EPHA3: variants seen among roughly 807,000 people sequenced by gnomAD.
The protein encoded by EPHA3 is EPH receptor A3.
Under a neutral mutation model 107.1 loss-of-function variants are expected in EPHA3, and 42 were observed. That is an observed-to-expected ratio of 0.39 (90% CI 0.31 to 0.51). EPHA3 has a LOEUF of 0.51. Among genes scored for constraint, EPHA3 ranks in the 20% least tolerant of loss-of-function variants. The pLI is 0.78. For missense variants in EPHA3, 1,183 were observed against 1,211.2 expected (o/e 0.98, Z 0.35); for synonymous variants, 461 against 424.8 (o/e 1.09, Z -1.05).
chr3:89,133,972 C>T (rs1172609258), intron 2 of EPHA3, among the ~76,000 whole-genome samples: 1 of 151,756 alleles, frequency 6.6e-6, no homozygotes, highest in Admixed American at 6.6e-5. Flanking sequence ...ACAATCTGAT[C>T]GAGAAATGGT....
intron 13 of EPHA3, among the ~76,000 whole-genome samples, chr3:89,443,118 A>G (rs1254369846): frequency 1.3e-5 from 2 of 152,174 alleles, no homozygotes; most frequent in African/African-American, 4.8e-5. Context: ...ACTTAGCCTC[A>G]TTCTACAAAG....
chr3:89,228,095 A>G (rs1260193799), intron 3 of EPHA3, among the ~76,000 whole-genome samples: 1 of 151,932 alleles, frequency 6.6e-6, no homozygotes, highest in Non-Finnish European at 1.5e-5. Context: ...TGACTTTGGT[A>G]TCCTTAGTTA....
At chr3:89,150,372 AC>A (rs1198453855) in intron 2 of EPHA3, among the ~76,000 whole-genome samples, 1 of 152,040 alleles carries the variant, frequency 6.6e-6, no homozygotes, top group African/African-American at 2.4e-5. Context: ...GATATATGTA[AC>A]TTTTATTTAT....
At chr3:89,316,291 T>C (rs1178311937) in intron 3 of EPHA3, among the ~76,000 whole-genome samples, 2 of 151,372 alleles carry the variant, frequency 1.3e-5, no homozygotes, top group Non-Finnish European at 3.0e-5. Context: ...TTGCCAGCTT[T>C]ATCACCATGA....
intron 7 of EPHA3, among the ~76,000 whole-genome samples, chr3:89,404,344 TGTAA>T (rs748536303): frequency 3.9e-5 from 6 of 152,206 alleles, no homozygotes; most frequent in African/African-American, 9.6e-5. Flanking sequence ...TTGGCACTAC[TGTAA>T]GTGTTTTACT....
chr3:89,442,140 A>G (rs1709797829), intron 13 of EPHA3, among the ~76,000 whole-genome samples: 1 of 152,174 alleles, frequency 6.6e-6, no homozygotes, highest in Non-Finnish European at 1.5e-5. Context: ...TTATCCTAAA[A>G]AAGAAAAAGA....
intron 3 of EPHA3, among the ~76,000 whole-genome samples, chr3:89,219,738 T>C (rs1704320832): frequency 9.7e-6 from 1 of 103,424 alleles, no homozygotes; most frequent in South Asian, 3.8e-4. Flanking sequence ...AGACGGAGTC[T>C]CGCTCTGTCG....
chr3:89,273,810 C>T (rs1056256623), intron 3 of EPHA3, among the ~76,000 whole-genome samples: 2 of 151,840 alleles, frequency 1.3e-5, no homozygotes, highest in African/African-American at 2.4e-5. Flanking sequence ...GCAACTACTG[C>T]CAGAAAGGAT....
chr3:89,421,860 C>T (rs1279527948), intron 11 of EPHA3, among the ~76,000 whole-genome samples: 3 of 151,036 alleles, frequency 2.0e-5, no homozygotes, highest in Admixed American at 6.6e-5. Context: ...GAAAAATGCA[C>T]TAAAATGACT....
intron 3 of EPHA3, among the ~76,000 whole-genome samples, chr3:89,260,947 G>A (rs1210289366): frequency 6.6e-6 from 1 of 152,090 alleles, no homozygotes; most frequent in Non-Finnish European, 1.5e-5. Flanking sequence ...TCAATACATA[G>A]CAGCTGCTAA....
At chr3:89,215,948 A>C (rs2107194448) in intron 3 of EPHA3, among the ~76,000 whole-genome samples, 1 of 152,052 alleles carries the variant, frequency 6.6e-6, no homozygotes, top group African/African-American at 2.4e-5. Context: ...GGCATTCCTT[A>C]TCAAATGGCT....
chr3:89,261,504 C>T (rs1705416469), intron 3 of EPHA3, among the ~76,000 whole-genome samples: 1 of 152,102 alleles, frequency 6.6e-6, no homozygotes, highest in South Asian at 2.1e-4. Context: ...TGCATTGTCT[C>T]TTTTCCAATG....
chr3:89,376,859 G>A (rs1487951618), intron 5 of EPHA3, among the ~76,000 whole-genome samples: 1 of 151,980 alleles, frequency 6.6e-6, no homozygotes, highest in Non-Finnish European at 1.5e-5. Context: ...TTCGAAAAGT[G>A]GCTTTGAACA....
intron 2 of EPHA3, among the ~76,000 whole-genome samples, chr3:89,139,246 G>A (rs1366887887): frequency 6.6e-6 from 1 of 151,750 alleles, no homozygotes; most frequent in Non-Finnish European, 1.5e-5. Flanking sequence ...TCTATACTTG[G>A]ATACTATTCC....
intron 3 of EPHA3, among the ~76,000 whole-genome samples, chr3:89,225,633 C>T (rs1262727376): frequency 3.3e-5 from 5 of 152,168 alleles, no homozygotes; most frequent in Non-Finnish European, 5.9e-5. Flanking sequence ...AATACATCCC[C>T]TAGGTATGCC....
At chr3:89,305,060 G>T (rs529141928) in intron 3 of EPHA3, among the ~76,000 whole-genome samples, 2 of 152,184 alleles carry the variant, frequency 1.3e-5, no homozygotes, top group South Asian at 2.1e-4. Context: ...GACTGTGTTG[G>T]CATAGCAATT....
intron 5 of EPHA3, among the ~76,000 whole-genome samples, chr3:89,350,929 G>A (rs937948483): frequency 3.3e-5 from 5 of 151,376 alleles, no homozygotes; most frequent in East Asian, 1.9e-4. Context: ...TAGGCTGCTC[G>A]GGGGTCAGGG....
intron 3 of EPHA3, among the ~76,000 whole-genome samples, chr3:89,287,586 C>T (rs964127243): frequency 3.9e-5 from 6 of 151,982 alleles, no homozygotes; most frequent in Admixed American, 3.9e-4. Context: ...ATATATTATA[C>T]AGGCAAGAAG....
At chr3:89,215,199 A>G (rs1272519268) in intron 3 of EPHA3, among the ~76,000 whole-genome samples, 1 of 151,966 alleles carries the variant, frequency 6.6e-6, no homozygotes, top group Non-Finnish European at 1.5e-5. Flanking sequence ...CTATAAAGGC[A>G]GTGGAGAAGC....
Sources: allele counts gnomAD v4.1 joint callset (sites outside exome capture counted in the v4.1 genomes callset), GRCh38; gene constraint gnomAD v4.1.1; transcripts MANE v1.5; gene names NCBI Gene and HGNC (gene_info 2026-07-23, HGNC 2026-07-21).